Variants in CDH13 observed in about 807,000 individuals in gnomAD.
CDH13 encodes the protein cadherin 13, also known as cadherin-13.
A neutral mutation model predicts 63.8 loss-of-function variants in CDH13; 24 were observed. The observed-to-expected ratio is 0.38, with a 90% CI of 0.27 to 0.53. CDH13 has a LOEUF of 0.53. Ranked by LOEUF, CDH13 falls within the 20% of genes least tolerant of loss-of-function variation. CDH13 has a pLI of 0.85. For missense variants in CDH13, 1,049 were observed against 903.1 expected (o/e 1.16, Z -2.07); for synonymous variants, 503 against 355.3 (o/e 1.42, Z -4.67).
chr16:83,478,647 A>T (rs2073674803), intron 6 of CDH13, among the ~76,000 whole-genome samples: 2 of 152,136 alleles, frequency 1.3e-5, no homozygotes, highest in Non-Finnish European at 2.9e-5. Context: ...ACCTTGCCTT[A>T]GGCCTAAGCC....
chr16:83,203,274 C>G (rs1275347621), intron 4 of CDH13, among the ~76,000 whole-genome samples: 1 of 152,068 alleles, frequency 6.6e-6, no homozygotes, highest in Non-Finnish European at 1.5e-5. Flanking sequence ...CTTTTGTGTA[C>G]TATGTTCACT....
intron 5 of CDH13, among the ~76,000 whole-genome samples, chr16:83,251,899 G>A (rs1905582552): frequency 6.6e-6 from 1 of 151,822 alleles, no homozygotes; most frequent in Non-Finnish European, 1.5e-5. Flanking sequence ...CCCTCACCAA[G>A]CTGAGCTTTT....
intron 6 of CDH13, among the ~76,000 whole-genome samples, chr16:83,368,883 G>GTTAT (rs2091304269): frequency 1.6e-4 from 4 of 25,342 alleles, no homozygotes; most frequent in African/African-American, 4.1e-4. Flanking sequence ...AGTATTCCAT[G>GTTAT]TTATATATAT....
At chr16:82,769,505 C>T (rs1269941185) in intron 1 of CDH13, among the ~76,000 whole-genome samples, 4 of 152,158 alleles carry the variant, frequency 2.6e-5, no homozygotes, top group Middle Eastern at 3.2e-3. Context: ...ATGGAGGCCA[C>T]GTTGAACCTC....
intron 10 of CDH13, among the ~76,000 whole-genome samples, chr16:83,719,115 T>G (rs1389367135): frequency 6.6e-6 from 1 of 152,178 alleles, no homozygotes; most frequent in African/African-American, 2.4e-5. Flanking sequence ...CATTCATCTC[T>G]TGGGGGCTTC....
chr16:82,716,840 T>C (rs1443472167), intron 1 of CDH13, among the ~76,000 whole-genome samples: 1 of 151,728 alleles, frequency 6.6e-6, no homozygotes, highest in African/African-American at 2.4e-5. Context: ...CTATAGATCT[T>C]CTTTGTCCTT....
intron 6 of CDH13, among the ~76,000 whole-genome samples, chr16:83,447,180 C>T (rs1246928807): frequency 2.7e-4 from 32 of 118,910 alleles, no homozygotes; most frequent in African/African-American, 1.3e-4. Context: ...TTTGGGAGGG[C>T]GAGGCAGATG....
chr16:82,726,022 G>C (rs2033075969), intron 1 of CDH13, among the ~76,000 whole-genome samples: 1 of 152,118 alleles, frequency 6.6e-6, no homozygotes, highest in South Asian at 2.1e-4. Flanking sequence ...AGTCCGTGAT[G>C]GTGAGAGGGA....
chr16:83,377,538 T>C (rs1251665905), intron 6 of CDH13, among the ~76,000 whole-genome samples: 1 of 152,204 alleles, frequency 6.6e-6, no homozygotes. Flanking sequence ...AGTAGTATTA[T>C]TTCACTCATC....
intron 6 of CDH13, among the ~76,000 whole-genome samples, chr16:83,483,026 T>C (rs191830046): frequency 8.0e-4 from 122 of 152,222 alleles, no homozygotes; most frequent in Non-Finnish European, 1.3e-3. Context: ...GTTCTGAAAA[T>C]AGGTCATCCC....
At chr16:82,657,597 A>T (rs939301264) in intron 1 of CDH13, among the ~76,000 whole-genome samples, 2 of 152,244 alleles carry the variant, frequency 1.3e-5, no homozygotes, top group African/African-American at 4.8e-5. Flanking sequence ...TGTAGAAAGC[A>T]AACCTTGGAG....
chr16:82,837,420 G>T (rs1328052760), intron 1 of CDH13, among the ~76,000 whole-genome samples: 1 of 144,926 alleles, frequency 6.9e-6, no homozygotes, highest in Non-Finnish European at 1.5e-5. Context: ...CCACCCCCAG[G>T]TTCCTTGATC....
At chr16:82,767,582 G>A (rs1597510689) in intron 1 of CDH13, among the ~76,000 whole-genome samples, 1 of 152,146 alleles carries the variant, frequency 6.6e-6, no homozygotes, top group East Asian at 1.9e-4. Context: ...CCTGGTCCCT[G>A]CCCCCTTTAA....
chr16:83,466,274 G>T (rs1490058279), intron 6 of CDH13, among the ~76,000 whole-genome samples: 1 of 152,214 alleles, frequency 6.6e-6, no homozygotes, highest in Non-Finnish European at 1.5e-5. Flanking sequence ...GAAGACACCA[G>T]GTTCAAGAGG....
intron 6 of CDH13, among the ~76,000 whole-genome samples, chr16:83,460,285 C>T (rs1197652765): frequency 2.0e-5 from 3 of 152,218 alleles, no homozygotes; most frequent in Admixed American, 6.5e-5. Flanking sequence ...CCCTCGCTGA[C>T]TGCTGTTCAG....
At chr16:83,522,075 C>A (rs1031519275) in intron 7 of CDH13, among the ~76,000 whole-genome samples, 2 of 152,202 alleles carry the variant, frequency 1.3e-5, no homozygotes, top group Middle Eastern at 3.2e-3. Flanking sequence ...GTAAGGTCTG[C>A]AAATCCAGTT....
intron 3 of CDH13, among the ~76,000 whole-genome samples, chr16:83,049,650 G>A (rs1017958666): frequency 6.6e-6 from 1 of 152,078 alleles, no homozygotes; most frequent in Non-Finnish European, 1.5e-5. Flanking sequence ...GCATAATGTT[G>A]CAAGGTTCAT....
rs1178841447 is a variant in CDH13 at position 83,672,752 on chromosome 16, C to T, written c.1284+1780C>T. 2.6e-5 allele frequency among the ~76,000 whole-genome samples: 4 copies of T among 152,122 alleles called. No individual in the cohort carries two copies. The East Asian group carries it at 7.7e-4, about 29-fold the overall frequency. On this transcript the variant is annotated intron_variant, in intron 9 of 13. Transcript: ENST00000567109. The stretch of plus-strand genomic sequence containing the variant: ...ATCCTGTTTTGCTCATATCTATTTT[C>T]CTTGAGCTGTAGCAAACACATTTTG...
chr16:83,702,189 A>G (rs1906342008), intron 10 of CDH13, among the ~76,000 whole-genome samples: 1 of 152,096 alleles, frequency 6.6e-6, no homozygotes. Flanking sequence ...AGGCTTGGAT[A>G]CCCTCCTTGG....
Sources: gnomAD v4.1 joint callset for allele counts (sites outside exome capture counted in the v4.1 genomes callset) on GRCh38, gnomAD v4.1.1 for gene constraint, MANE v1.5 for transcripts, NCBI Gene and HGNC (gene_info 2026-07-23, HGNC 2026-07-21) for gene names.